The following YIPF7 variants were observed in gnomAD, a reference collection of about 807,000 sequenced individuals.
The protein encoded by YIPF7 is Yip1 domain family member 7.
A neutral mutation model predicts 27.2 loss-of-function variants in YIPF7; 35 were observed. That is an observed-to-expected ratio of 1.29 (90% CI 0.98 to 1.70). YIPF7 has a LOEUF of 1.70. Among genes scored for constraint, YIPF7 ranks in the 40% most tolerant of loss-of-function variants. The pLI, the probability that YIPF7 is intolerant of heterozygous loss-of-function variation, is 0.00. For missense variants in YIPF7, 358 were observed against 303.7 expected (o/e 1.18, Z -1.33); for synonymous variants, 137 against 110.4 (o/e 1.24, Z -1.51).
At chr4:44,638,256 G>A (rs1327544880) in intron 2 of YIPF7, among the ~76,000 whole-genome samples, 3 of 130,206 alleles carry the variant, frequency 2.3e-5, no homozygotes, top group Non-Finnish European at 4.7e-5. Context: ...TTTTATTGCC[G>A]ATTCAATCTT....
intron 2 of YIPF7, among the ~76,000 whole-genome samples, chr4:44,643,920 A>T (rs1446048878): frequency 6.6e-6 from 1 of 152,034 alleles, no homozygotes; most frequent in East Asian, 1.9e-4. Flanking sequence ...GCAGGGGTGG[A>T]GCCCTCATGG....
At chr4:44,630,372 C>A (rs554166711) in intron 3 of YIPF7, among the ~76,000 whole-genome samples, 2 of 152,174 alleles carry the variant, frequency 1.3e-5, no homozygotes, top group African/African-American at 4.8e-5. Flanking sequence ...AGACTTAGTC[C>A]AAGTCTGGGT....
chr4:44,634,663 A>C (rs1027192192), intron 3 of YIPF7, among the ~76,000 whole-genome samples: 1 of 152,244 alleles, frequency 6.6e-6, no homozygotes, highest in Non-Finnish European at 1.5e-5. Flanking sequence ...TACATAATAC[A>C]TATACACAGG....
At chr4:44,627,117 A>G (rs1010014659) in intron 4 of YIPF7, among the ~76,000 whole-genome samples, 1 of 151,934 alleles carries the variant, frequency 6.6e-6, no homozygotes, top group Non-Finnish European at 1.5e-5. Flanking sequence ...TGTTCTTCTG[A>G]TTGCACTTTT....
At chr4:44,633,938 A>G (rs1477914477) in intron 3 of YIPF7, among the ~76,000 whole-genome samples, 1 of 152,130 alleles carries the variant, frequency 6.6e-6, no homozygotes, top group Non-Finnish European at 1.5e-5. Flanking sequence ...TTTTCCTACA[A>G]AATTGACAAA....
rs1229872491 is a variant in YIPF7 at position 44,636,167 on chromosome 4, A to T, written c.117-82T>A. On this transcript the variant is annotated intron_variant, in intron 2 of 5. Transcript: ENST00000415895. Reference sequence around the variant, plus strand: ...GGAGGAAAATTACAATTTTACTTACATGAATTCATGTAGTTTTTATGAGTA... The same window carrying T: ...GGAGGAAAATTACAATTTTACTTACTTGAATTCATGTAGTTTTTATGAGTA... 5.1e-6 allele frequency: 7 copies of T among 1,379,248 alleles called. No individual in the cohort carries two copies. In the Admixed American group the frequency reaches 1.0e-4, roughly 20 times the overall value. The allele number at this position is 1,379,248 out of a possible 1,614,324, so 85.4% of individuals were successfully genotyped here.
intron 3 of YIPF7, among the ~76,000 whole-genome samples, chr4:44,632,684 T>C (rs1303536172): frequency 6.6e-6 from 1 of 152,226 alleles, no homozygotes; most frequent in Non-Finnish European, 1.5e-5. Flanking sequence ...GTAAATGTTA[T>C]TTAATGCGTT....
At chr4:44,637,744 C>T (rs1713179412) in intron 2 of YIPF7, among the ~76,000 whole-genome samples, 2 of 152,158 alleles carry the variant, frequency 1.3e-5, no homozygotes, top group Admixed American at 6.5e-5. Flanking sequence ...CCTCACACCC[C>T]TCCCATCCTT....
At chr4:44,625,097 TC>T (rs1227761226) in intron 4 of YIPF7, among the ~76,000 whole-genome samples, 1 of 152,214 alleles carries the variant, frequency 6.6e-6, no homozygotes, top group African/African-American at 2.4e-5. Context: ...TATATTTTGT[TC>T]CCATATTTAT....
chr4:44,647,124 A>G (rs1713555339), intron 2 of YIPF7, among the ~76,000 whole-genome samples: 1 of 152,136 alleles, frequency 6.6e-6, no homozygotes, highest in Non-Finnish European at 1.5e-5. Context: ...CCAAATCAGG[A>G]CTTAGATTTA....
rs71190269 is a variant in YIPF7, at chr4:44,626,763, C to CT, written c.427-1982dup. Among the ~76,000 whole-genome samples, 238 of 69,740 alleles carry CT rather than the reference C, an allele frequency of 3.4e-3. 40 individuals are homozygous for CT. The highest frequency in any genetic ancestry group is 0.013 in the African/African-American group (221 of 16,666). The allele number at this position is 69,740 out of a possible 152,430, so 45.8% of individuals were successfully genotyped here. On this transcript the variant is annotated intron_variant, in intron 4 of 5. Transcript: ENST00000415895. Reference sequence around the variant, plus strand: ...CCCTATTCCATCCTCATTAGCACATCTTTTTTTTTTTTTTTTTTTTTTTTT... The same window carrying CT: ...CCCTATTCCATCCTCATTAGCACATCTTTTTTTTTTTTTTTTTTTTTTTTTT...
chr4:44,631,711 T>C (rs1161558856), intron 3 of YIPF7, among the ~76,000 whole-genome samples: 1 of 152,148 alleles, frequency 6.6e-6, no homozygotes, highest in Non-Finnish European at 1.5e-5. Flanking sequence ...CTTTGAAGAA[T>C]ATGAGCAGTT....
chr4:44,642,388 C>T (rs528221859), intron 2 of YIPF7, among the ~76,000 whole-genome samples: 49 of 152,276 alleles, frequency 3.2e-4, no homozygotes, highest in Middle Eastern at 3.4e-3. Context: ...TTACCATGCT[C>T]ACCTTTGATA....
chr4:44,638,814 T>A (rs1053803811), intron 2 of YIPF7, among the ~76,000 whole-genome samples: 4 of 152,338 alleles, frequency 2.6e-5, no homozygotes, highest in South Asian at 2.1e-4. Flanking sequence ...AGCATTTTTA[T>A]AGTTTAAGGT....
chr4:44,646,703 C>T (rs372145460), intron 2 of YIPF7, among the ~76,000 whole-genome samples: 10 of 151,958 alleles, frequency 6.6e-5, no homozygotes, highest in African/African-American at 9.7e-5. Flanking sequence ...ATATCTTCAC[C>T]GTCTTAGTGA....
intron 2 of YIPF7, among the ~76,000 whole-genome samples, chr4:44,637,261 C>T (rs149897563): frequency 9.2e-5 from 14 of 151,922 alleles, no homozygotes; most frequent in African/African-American, 2.9e-4. Flanking sequence ...GGATATATAC[C>T]CAGTAGTGGG....
At chr4:44,652,819 C>T (rs1028707642), upstream of YIPF7, among the ~76,000 whole-genome samples, 1 of 152,030 alleles carries the variant, frequency 6.6e-6, no homozygotes, top group Non-Finnish European at 1.5e-5. Context: ...TTGTAACAAC[C>T]TGATGAAGTA....
intron 2 of YIPF7, among the ~76,000 whole-genome samples, chr4:44,657,858 C>T (rs1713942895): frequency 6.6e-6 from 1 of 152,028 alleles, no homozygotes; most frequent in Non-Finnish European, 1.5e-5. Context: ...GAAGGGAGGA[C>T]CGCTCTCAGG....
chr4:44,655,845 A>G (rs1418635558), upstream of YIPF7, among the ~76,000 whole-genome samples: 1 of 146,340 alleles, frequency 6.8e-6, no homozygotes, highest in Non-Finnish European at 1.6e-5. Flanking sequence ...ACAGCCCTGA[A>G]TATTACAGAG....
Sources: allele counts gnomAD v4.1 joint callset (sites outside exome capture counted in the v4.1 genomes callset), GRCh38; gene constraint gnomAD v4.1.1; transcripts MANE v1.5; gene names NCBI Gene and HGNC (gene_info 2026-07-23, HGNC 2026-07-21).